Variants in STARD13 observed in about 807,000 individuals in gnomAD.
STARD13 encodes StAR related lipid transfer domain containing 13.
STARD13 carries 62 observed loss-of-function variants against 106.4 expected under a neutral mutation model. The observed-to-expected ratio is 0.58, with a 90% CI of 0.48 to 0.72. The LOEUF is 0.72. Ranked by LOEUF, STARD13 falls within the 30% of genes least tolerant of loss-of-function variation. STARD13 has a pLI of 0.00. For synonymous variants in STARD13, 565 were observed against 553.0 expected (o/e 1.02, Z -0.31); for missense variants, 1,387 against 1,424.0 (o/e 0.97, Z 0.42).
At chr13:33,498,257 C>T in the STARD13 span, among the ~76,000 whole-genome samples, 1 of 152,120 alleles carries the variant, frequency 6.6e-6, no homozygotes, top group African/African-American at 2.4e-5. Context: ...TGGAATTCTC[C>T]TCTGCTAAGT....
At chr13:33,447,880 G>A in the STARD13 span, among the ~76,000 whole-genome samples, 5 of 152,016 alleles carry the variant, frequency 3.3e-5, no homozygotes, top group Admixed American at 3.3e-4. Context: ...AACACCATTA[G>A]AAAGCAATTA....
the STARD13 span, among the ~76,000 whole-genome samples, chr13:33,488,467 C>T: frequency 6.6e-6 from 1 of 152,176 alleles, no homozygotes; most frequent in South Asian, 2.1e-4. Context: ...CTGTCTACAA[C>T]ATCTTATTTC....
At chr13:33,294,403 C>T (rs1333352646) in intron 1 of STARD13, among the ~76,000 whole-genome samples, 2 of 152,178 alleles carry the variant, frequency 1.3e-5, no homozygotes, top group Admixed American at 6.5e-5. Context: ...GAGTTGATCA[C>T]CCACTAACTG....
At chr13:33,400,885 TA>T in the STARD13 span, among the ~76,000 whole-genome samples, 246 of 151,872 alleles carry the variant, frequency 1.6e-3, 3 homozygotes, top group African/African-American at 5.5e-3. Context: ...AATTGGTTTT[TA>T]AAAAAAGATC....
At chr13:33,244,708 A>T (rs903298320) in intron 1 of STARD13, among the ~76,000 whole-genome samples, 5 of 152,184 alleles carry the variant, frequency 3.3e-5, no homozygotes, top group African/African-American at 1.2e-4. Context: ...AGAAAGGCCA[A>T]GCTGACAGCT....
chr13:33,405,495 ATC>A, the STARD13 span, among the ~76,000 whole-genome samples: 1 of 152,230 alleles, frequency 6.6e-6, no homozygotes, highest in South Asian at 2.1e-4. Context: ...GAGCAACATG[ATC>A]TCTGCTCTGA....
chr13:33,224,921 G>T (rs1049296741), intron 1 of STARD13, among the ~76,000 whole-genome samples: 1 of 151,958 alleles, frequency 6.6e-6, no homozygotes, highest in African/African-American at 2.4e-5. Flanking sequence ...ACATCATCCC[G>T]TTCTTTTCAG....
At chr13:33,383,911 G>A in the STARD13 span, among the ~76,000 whole-genome samples, 1 of 152,196 alleles carries the variant, frequency 6.6e-6, no homozygotes, top group East Asian at 1.9e-4. Context: ...GGAGTGTCGG[G>A]GGAGGGGAAG....
chr13:33,123,893 G>T (rs1876748663), intron 7 of STARD13, among the ~76,000 whole-genome samples: 1 of 152,240 alleles, frequency 6.6e-6, no homozygotes, highest in Non-Finnish European at 1.5e-5. Context: ...AGAGTATGGG[G>T]TGGTACTTCC....
chr13:33,250,633 T>C (rs9527285), intron 1 of STARD13, among the ~76,000 whole-genome samples: 60,141 of 152,102 alleles, frequency 0.4, 12,262 homozygotes, highest in Admixed American at 0.46. Flanking sequence ...CAGTTCTGTA[T>C]TTATATAATA....
At chr13:33,527,922 C>T in the STARD13 span, among the ~76,000 whole-genome samples, 2 of 151,016 alleles carry the variant, frequency 1.3e-5, no homozygotes, top group Admixed American at 6.6e-5. Context: ...ATTAAGAACC[C>T]GTTAACTGAC....
At chr13:33,521,363 T>C in the STARD13 span, among the ~76,000 whole-genome samples, 2 of 152,144 alleles carry the variant, frequency 1.3e-5, no homozygotes, top group African/African-American at 4.8e-5. Flanking sequence ...TTTTTCTCTG[T>C]GGGAGCTTCT....
At chr13:33,310,246 C>T (rs1004558749) in intron 1 of STARD13, among the ~76,000 whole-genome samples, 19 of 152,114 alleles carry the variant, frequency 1.2e-4, no homozygotes, top group African/African-American at 4.1e-4. Flanking sequence ...GTGGTTCTTC[C>T]GGCTGTCAAT....
At chr13:33,241,883 C>T (rs535915330) in intron 1 of STARD13, among the ~76,000 whole-genome samples, 1 of 152,182 alleles carries the variant, frequency 6.6e-6, no homozygotes, top group African/African-American at 2.4e-5. Flanking sequence ...CTGATCTAGG[C>T]TCACTACAAC....
rs1281482201 is a variant in STARD13 at position 33,285,517 on chromosome 13, A to G, written c.122T>C (p.Met41Thr). 6 of 1,614,052 alleles carry G rather than the reference A, an allele frequency of 3.7e-6. No homozygotes were observed. Among genetic ancestry groups the G allele is most frequent in the Non-Finnish European group, 5.1e-6 (6 of 1,179,912 alleles). ...CTGATGGCGTGCTAGAATCCGGCTC[A>G]TCCTGTAAGGAGAGCGTCTTGTAGT... ...DQTTRRSPYR[M>T]SRILARHQLV... The change falls in exon 1 of 14, where the codon ATG becomes ACG. Residue 41 changes from methionine (M) to threonine (T), a missense_variant. By Grantham distance (81) the Met-to-Thr change is moderately conservative (BLOSUM62 -1). Transcript: ENST00000336934.
chr13:33,676,381 A>G, the STARD13 span, among the ~76,000 whole-genome samples: 1 of 152,250 alleles, frequency 6.6e-6, no homozygotes, highest in African/African-American at 2.4e-5. Context: ...ATACTGATTT[A>G]CAGAGAGCAG....
intron 3 of STARD13, among the ~76,000 whole-genome samples, chr13:33,149,383 A>G (rs4943080): frequency 9.2e-5 from 14 of 152,206 alleles, no homozygotes; most frequent in Non-Finnish European, 1.6e-4. Flanking sequence ...AACAAAGTCA[A>G]TTTTTAAAAA....
the STARD13 span, among the ~76,000 whole-genome samples, chr13:33,622,526 C>G: frequency 7.0e-6 from 1 of 143,654 alleles, no homozygotes; most frequent in African/African-American, 2.6e-5. Context: ...GTAGTCCCAG[C>G]TACTAGGGAG....
the STARD13 span, chr13:33,383,628 G>A: frequency 6.6e-6 from 1 of 151,342 alleles, no homozygotes; most frequent in Admixed American, 6.6e-5. Context: ...ATGGTGGCAT[G>A]CACCTGTAAT....
Sources: gnomAD v4.1 joint callset for allele counts (sites outside exome capture counted in the v4.1 genomes callset) on GRCh38, gnomAD v4.1.1 for gene constraint, MANE v1.5 for transcripts, NCBI Gene and HGNC (gene_info 2026-07-23, HGNC 2026-07-21) for gene names.